ZNF487: variants seen among roughly 807,000 people sequenced by gnomAD.
ZNF487 encodes the protein KRAB domain only 1.
A neutral mutation model predicts 3.0 loss-of-function variants in ZNF487; 4 were observed. The ratio of observed to expected loss-of-function variants is 1.35; its 90% confidence interval spans 0.66 to 3.08. The LOEUF (loss-of-function observed/expected upper bound fraction) is 3.08. Ranked by LOEUF, ZNF487 falls within the 30% of genes most tolerant of loss-of-function variation. The pLI, the probability that ZNF487 is intolerant of heterozygous loss-of-function variation, is 0.01. For synonymous variants in ZNF487, 55 were observed against 34.6 expected (o/e 1.59, Z -2.06); for missense variants, 146 against 98.7 (o/e 1.48, Z -2.03).
At chr10:43,513,042 G>C in the ZNF487 span, among the ~76,000 whole-genome samples, 2 of 152,246 alleles carry the variant, frequency 1.3e-5, no homozygotes, top group Admixed American at 1.3e-4. Context: ...TCACCAGTAA[G>C]TCCAGTGTGT....
At chr10:43,442,401 C>T (rs1023767276) in intron 1 of ZNF487, among the ~76,000 whole-genome samples, 18 of 151,914 alleles carry the variant, frequency 1.2e-4, no homozygotes, top group African/African-American at 2.7e-4. Flanking sequence ...TAACATAGTA[C>T]GTCTCTTCAT....
the ZNF487 span, among the ~76,000 whole-genome samples, chr10:43,518,588 A>G: frequency 1.3e-5 from 2 of 151,972 alleles, no homozygotes; most frequent in African/African-American, 2.4e-5. Flanking sequence ...TAAGCACTCA[A>G]TCTTGAAGTG....
the ZNF487 span, among the ~76,000 whole-genome samples, chr10:43,504,442 C>T: frequency 5.9e-5 from 9 of 151,364 alleles, no homozygotes; most frequent in Admixed American, 2.6e-4. Context: ...TGCAGGTGTC[C>T]GCCACCACTC....
downstream of ZNF487, among the ~76,000 whole-genome samples, chr10:43,483,629 G>C (rs1841443272): frequency 6.6e-6 from 1 of 152,022 alleles, no homozygotes; most frequent in Non-Finnish European, 1.5e-5. Flanking sequence ...CCGGGTTCAA[G>C]TGATTCTTGT....
At chr10:43,467,740 C>T (rs1477664879) in intron 1 of ZNF487, among the ~76,000 whole-genome samples, 1 of 150,996 alleles carries the variant, frequency 6.6e-6, no homozygotes, top group Admixed American at 6.6e-5. Context: ...TCGCTTGAAC[C>T]TGGGAGGCAG....
the ZNF487 span, among the ~76,000 whole-genome samples, chr10:43,512,059 C>T: frequency 1.3e-5 from 2 of 152,362 alleles, no homozygotes; most frequent in South Asian, 4.1e-4. Context: ...CACTGCTCAA[C>T]GTTCTGCCCA....
chr10:43,475,449 A>G (rs1489333270), intron 1 of ZNF487, among the ~76,000 whole-genome samples: 2 of 151,972 alleles, frequency 1.3e-5, no homozygotes, highest in Non-Finnish European at 2.9e-5. Flanking sequence ...CCAGTGGTCA[A>G]GGTTGCAGTG....
At chr10:43,520,958 T>G in the ZNF487 span, among the ~76,000 whole-genome samples, 4 of 152,206 alleles carry the variant, frequency 2.6e-5, no homozygotes, top group Admixed American at 2.6e-4. Context: ...CTGTTTTGTT[T>G]CTTAGTCCTT....
intron 3 of ZNF487, among the ~76,000 whole-genome samples, chr10:43,477,549 A>T (rs1195210250): frequency 2.0e-5 from 3 of 152,104 alleles, no homozygotes; most frequent in Admixed American, 1.3e-4. Flanking sequence ...TATAAATGGT[A>T]ACATGTAATG....
chr10:43,443,002 A>G (rs2132035740), intron 1 of ZNF487, among the ~76,000 whole-genome samples: 1 of 151,506 alleles, frequency 6.6e-6, no homozygotes, highest in African/African-American at 2.4e-5. Context: ...ATATAGAAAT[A>G]CAGTTGATTT....
At chr10:43,477,449 C>T (rs1399332415) in intron 3 of ZNF487, among the ~76,000 whole-genome samples, 1 of 152,006 alleles carries the variant, frequency 6.6e-6, no homozygotes. Context: ...CCCCCCTTGG[C>T]CTCCCAAAGT....
At chr10:43,490,425 T>C in the ZNF487 span, among the ~76,000 whole-genome samples, 1 of 150,814 alleles carries the variant, frequency 6.6e-6, no homozygotes, top group Non-Finnish European at 1.5e-5. Flanking sequence ...TTCTTGTGAT[T>C]TTCCCCCCAT....
At chr10:43,494,666 G>C in the ZNF487 span, among the ~76,000 whole-genome samples, 2 of 151,160 alleles carry the variant, frequency 1.3e-5, no homozygotes, top group Non-Finnish European at 2.9e-5. Flanking sequence ...GTACACTTGA[G>C]GCTGGGCGTG....
the ZNF487 span, among the ~76,000 whole-genome samples, chr10:43,505,736 A>G: frequency 6.7e-6 from 1 of 148,738 alleles, no homozygotes; most frequent in African/African-American, 2.5e-5. Flanking sequence ...TCTGCCTCCC[A>G]GGTTCAAGGA....
At chr10:43,484,338 G>A (rs1286572028), downstream of ZNF487, among the ~76,000 whole-genome samples, 1 of 151,930 alleles carries the variant, frequency 6.6e-6, no homozygotes, top group Non-Finnish European at 1.5e-5. Context: ...CAGGCGCGGT[G>A]GCTCACACCT....
At chr10:43,478,637 T>C (rs1368448853) in intron 3 of ZNF487, among the ~76,000 whole-genome samples, 1 of 152,112 alleles carries the variant, frequency 6.6e-6, no homozygotes. Flanking sequence ...GAGGATCGCT[T>C]GAGCCCAGGA....
At chr10:43,448,723 A>G (rs1331617663) in intron 1 of ZNF487, among the ~76,000 whole-genome samples, 2 of 152,196 alleles carry the variant, frequency 1.3e-5, no homozygotes, top group Non-Finnish European at 2.9e-5. Context: ...AGGCTGAGAC[A>G]GGAGAATCGC....
At chr10:43,485,889 T>A (rs1057111533), downstream of ZNF487, among the ~76,000 whole-genome samples, 4 of 152,120 alleles carry the variant, frequency 2.6e-5, no homozygotes, top group African/African-American at 9.7e-5. Context: ...TAAATCATTT[T>A]TTTTCCCCAT....
chr10:43,518,472 C>T, the ZNF487 span, among the ~76,000 whole-genome samples: 9 of 152,094 alleles, frequency 5.9e-5, no homozygotes, highest in African/African-American at 2.2e-4. Context: ...TAAAGGGGGA[C>T]ACCTCTAAAG....
Sources: allele counts gnomAD v4.1 joint callset (sites outside exome capture counted in the v4.1 genomes callset), GRCh38; gene constraint gnomAD v4.1.1; transcripts MANE v1.5; gene names NCBI Gene and HGNC (gene_info 2026-07-23, HGNC 2026-07-21).